Variants in NBPF9 observed in about 807,000 individuals in gnomAD.
NBPF9 encodes the protein NBPF family member NBPF9.
A neutral mutation model predicts 97.8 loss-of-function variants in NBPF9; 91 were observed. The observed-to-expected ratio is 0.93, with a 90% confidence interval of 0.79 to 1.11. NBPF9 has a LOEUF of 1.11. NBPF9 is among the 50% of genes least tolerant of loss of function. The pLI, the probability that NBPF9 is intolerant of heterozygous loss-of-function variation, is 0.00. For missense variants in NBPF9, 992 were observed against 939.5 expected (o/e 1.06, Z -0.73); for synonymous variants, 334 against 359.5 (o/e 0.93, Z 0.80).
At chr1:149,089,140 C>T (rs2081241563) in intron 5 of NBPF9, among the ~76,000 whole-genome samples, 1 of 152,114 alleles carries the variant, frequency 6.6e-6, no homozygotes, top group African/African-American at 2.4e-5. Flanking sequence ...GCAGGGAGGG[C>T]AAATCCATGC....
exon 30 of NBPF9, chr1:149,055,844 C>A: frequency 1.2e-6 from 2 of 1,606,220 alleles, no homozygotes; most frequent in Non-Finnish European, 1.7e-6. Flanking sequence ...TAACATCCAT[C>A]CAGTGAGTCC....
chr1:149,062,471 G>C (rs1168707904), intron 21 of NBPF9, among the ~76,000 whole-genome samples: 3 of 144,722 alleles, frequency 2.1e-5, no homozygotes, highest in Non-Finnish European at 1.5e-5. Context: ...GAGGGAGAGA[G>C]AGAGAGAGGA....
At chr1:149,067,899 ATCG>A (rs1369748889) in intron 17 of NBPF9, among the ~76,000 whole-genome samples, 10 of 138,902 alleles carry the variant, frequency 7.2e-5, no homozygotes, top group Non-Finnish European at 1.4e-4. Flanking sequence ...GCCTTCCACA[ATCG>A]TTGAACTAGT....
intron 5 of NBPF9, among the ~76,000 whole-genome samples, chr1:149,083,103 C>T (rs377484537): frequency 0.1 from 15,068 of 151,008 alleles, 1,188 homozygotes; most frequent in East Asian, 0.47. Context: ...CCACCGCGCC[C>T]GGCCGACTTC....
At chr1:149,073,287 GA>G (rs1198535089) in intron 13 of NBPF9, among the ~76,000 whole-genome samples, 6 of 142,668 alleles carry the variant, frequency 4.2e-5, no homozygotes, top group African/African-American at 1.6e-4. Context: ...GCGGCCACTA[GA>G]TACAAAGCCA....
intron 4 of NBPF9, among the ~76,000 whole-genome samples, chr1:149,095,770 C>G: frequency 6.6e-6 from 1 of 152,138 alleles, no homozygotes; most frequent in South Asian, 2.1e-4. Context: ...GTAAACCTAT[C>G]AGAATGGCTA....
At chr1:149,082,109 C>G (rs781877605) in exon 7 of NBPF9, 11 of 1,611,596 alleles carry the variant, frequency 6.8e-6, no homozygotes, top group Non-Finnish European at 8.5e-6. Context: ...TCTGCCTTCT[C>G]GCTGGACCAA....
At position 149,073,067 on chromosome 1, in the gene NBPF9, G is replaced by T. The variant is rs1315802208; in HGVS notation, c.1092-135C>A. The stretch of plus-strand genomic sequence containing the variant: ...AAGGTCAGCACATGTTTAAAGGAAT[G>T]TCTGTGGCCAAGAGAAAGAATAGAA... On this transcript the variant is annotated intron_variant, in intron 13 of 29. Coordinates refer to ENST00000584027, the Ensembl canonical transcript of NBPF9. The T allele has an allele frequency of 1.9e-5, 14 of 748,638 alleles. 1 individual carries two copies. Among genetic ancestry groups the T allele is most frequent in the Non-Finnish European group, 3.3e-5 (14 of 426,348 alleles). The allele number at this position is 748,638 out of a possible 1,614,324, so 46.4% of individuals were successfully genotyped here. A position where few individuals can be genotyped will look rare whatever the true frequency, so the allele number is the denominator to read the frequency against.
At chr1:149,099,606 T>C (rs28407426) in intron 3 of NBPF9, among the ~76,000 whole-genome samples, 71,066 of 151,680 alleles carry the variant, frequency 0.47, 17,028 homozygotes, top group Middle Eastern at 0.53. Context: ...ATAATCATAA[T>C]AACAACAATG....
At chr1:149,064,746 C>T (rs146811872) in intron 18 of NBPF9, 194 of 613,868 alleles carry the variant, frequency 3.2e-4, no homozygotes, top group Admixed American at 1.1e-3. Context: ...CACAAATGCG[C>T]GATTTTTTTC....
chr1:149,087,361 G>T (rs1248896099), intron 5 of NBPF9, among the ~76,000 whole-genome samples: 1 of 149,318 alleles, frequency 6.7e-6, no homozygotes, highest in African/African-American at 2.5e-5. Context: ...GTTTGTGTGT[G>T]TATGTGTGTA....
chr1:149,099,154 C>A (rs1313426975), intron 3 of NBPF9, among the ~76,000 whole-genome samples: 5 of 152,200 alleles, frequency 3.3e-5, no homozygotes, highest in Admixed American at 1.3e-4. Flanking sequence ...GAATTTGATT[C>A]TTTCTGTTAG....
chr1:149,101,774 G>A (rs2082158422), intron 2 of NBPF9, among the ~76,000 whole-genome samples: 1 of 152,080 alleles, frequency 6.6e-6, no homozygotes, highest in Admixed American at 6.6e-5. Context: ...CAACCACTTT[G>A]GGAAAACGTT....
chr1:149,055,815 G>T lies in NBPF9; in HGVS notation c.3177C>A (p.Tyr1059Ter), dbSNP rs1553648690. The T allele has an allele frequency of 1.2e-6, 2 of 1,609,228 alleles. No individual in the cohort carries two copies. Among genetic ancestry groups the T allele is most frequent in the Non-Finnish European group, 1.7e-6 (2 of 1,179,364 alleles). Residue 1059 changes from tyrosine (Y) to a stop codon, truncating the protein, a stop_gained, in exon 30 of 30, where the codon TAC becomes TAA. Transcript: ENST00000584027. LOFTEE classifies it low-confidence loss of function (END_TRUNC). ...GCTGGAATGAGTCAGGTAGTTCAAA[G>T]TACATTGACGGAGTAGAATAACATC...
intron 11 of NBPF9, among the ~76,000 whole-genome samples, chr1:149,076,220 CAG>C (rs1451769977): frequency 2.6e-5 from 4 of 151,260 alleles, no homozygotes; most frequent in East Asian, 1.9e-4. Flanking sequence ...TTGTTTGAGA[CAG>C]AGTCTCACTC....
chr1:149,064,787 AC>A lies in NBPF9; in HGVS notation c.1802-306del. On this transcript the variant is annotated intron_variant, in intron 18 of 29. Transcript: ENST00000584027. ...TAAATTGTAGGCAAATAGTTCTAAC[AC>A]CTCATAGGAGAGATACTTCAATATT... 6.8e-6 allele frequency: 4 copies of A among 590,342 alleles called. No homozygotes were observed. The South Asian group carries it at 8.2e-5, about 12-fold the overall frequency. 36.6% of individuals were successfully genotyped at this position (590,342 alleles called of 1,614,324 possible).
At chr1:149,084,465 G>C (rs1388332304) in intron 5 of NBPF9, among the ~76,000 whole-genome samples, 2 of 147,392 alleles carry the variant, frequency 1.4e-5, no homozygotes, top group Admixed American at 6.8e-5. Flanking sequence ...AAGTGGCGGA[G>C]CGAGGGCTAC....
chr1:149,075,376 G>A (rs1553654028), intron 12 of NBPF9, among the ~76,000 whole-genome samples: 1 of 152,216 alleles, frequency 6.6e-6, no homozygotes, highest in Non-Finnish European at 1.5e-5. Context: ...ACACGATTGA[G>A]CCTCTTGGAG....
chr1:149,089,926 G>A (rs1490668616), intron 5 of NBPF9, among the ~76,000 whole-genome samples: 9 of 152,232 alleles, frequency 5.9e-5, no homozygotes, highest in Admixed American at 2.0e-4. Flanking sequence ...CAGACCGCAC[G>A]GCCCCAGAGT....
Sources: allele counts gnomAD v4.1 joint callset (sites outside exome capture counted in the v4.1 genomes callset), GRCh38; gene constraint gnomAD v4.1.1; transcripts MANE v1.5; gene names NCBI Gene and HGNC (gene_info 2026-07-23, HGNC 2026-07-21).